FHIT: variants seen among roughly 807,000 people sequenced by gnomAD.
FHIT encodes the protein fragile histidine triad diadenosine triphosphatase.
Under a neutral mutation model 17.9 loss-of-function variants are expected in FHIT, and 19 were observed. The ratio of observed to expected loss-of-function variants is 1.06; its 90% CI spans 0.74 to 1.56. The LOEUF is 1.56. Among genes scored for constraint, FHIT ranks in the 40% most tolerant of loss-of-function variants. FHIT has a pLI of 0.00. For synonymous variants in FHIT, 81 were observed against 69.7 expected (o/e 1.16, Z -0.81); for missense variants, 248 against 189.2 (o/e 1.31, Z -1.82).
intron 5 of FHIT, among the ~76,000 whole-genome samples, chr3:60,242,541 T>G (rs1321206818): frequency 6.6e-6 from 1 of 152,138 alleles, no homozygotes; most frequent in Non-Finnish European, 1.5e-5. Context: ...TATCTGTAGC[T>G]TCAACACTTA....
intron 3 of FHIT, among the ~76,000 whole-genome samples, chr3:60,838,208 C>T (rs890808936): frequency 2.6e-5 from 4 of 152,066 alleles, no homozygotes; most frequent in Non-Finnish European, 5.9e-5. Flanking sequence ...CGTGGTGGCT[C>T]ACGCCTGTAA....
chr3:61,190,702 C>G (rs1182656360), intron 2 of FHIT, among the ~76,000 whole-genome samples: 1 of 152,088 alleles, frequency 6.6e-6, no homozygotes, highest in East Asian at 1.9e-4. Flanking sequence ...CAATGATTGA[C>G]TGGATTAAGA....
At position 60,011,910 on chromosome 3, in the gene FHIT, A is replaced by C. The variant is rs534696808; in HGVS notation, c.250-510T>G. Among the ~76,000 whole-genome samples, 20 of 152,280 alleles carry C rather than the reference A, an allele frequency of 1.3e-4. 1 individual carries two copies. In the South Asian group the frequency reaches 3.9e-3, roughly 30 times the overall value. On this transcript the variant is annotated intron_variant, in intron 6 of 9. Transcript: ENST00000492590. ...TTCATTGTAGCTGGACCCTTTTCCC[A>C]AACTGGTTCCCTTTCTCTGTTTCTG...
Position 61,133,916 on chromosome 3 carries a change from A to G in FHIT, c.-164+66701T>C, listed in dbSNP as rs908214964. On this transcript the variant is annotated intron_variant, in intron 2 of 9. Coordinates refer to ENST00000492590, the MANE Select transcript of FHIT (RefSeq NM_002012.4). ...AGCCTAGCTAACACGGTGAAACCCC[A>G]TCTCTACTAAAAGTACAAAAATTTA... Among the ~76,000 whole-genome samples, 20 of 152,032 alleles carry G rather than the reference A, an allele frequency of 1.3e-4. 1 individual carries two copies. Among genetic ancestry groups the G allele is most frequent in the Admixed American group, 1.1e-3 (17 of 15,278 alleles).
At chr3:59,927,365 G>A (rs1705713884) in intron 7 of FHIT, among the ~76,000 whole-genome samples, 1 of 151,746 alleles carries the variant, frequency 6.6e-6, no homozygotes, top group Non-Finnish European at 1.5e-5. Flanking sequence ...TAGCAGTGAT[G>A]GTTGCACAAC....
intron 3 of FHIT, among the ~76,000 whole-genome samples, chr3:60,878,175 G>A (rs1704759164): frequency 6.6e-6 from 1 of 152,036 alleles, no homozygotes. Flanking sequence ...AATCAAAGCT[G>A]GTAGGGGCTG....
chr3:60,165,111 G>A (rs1701113250), intron 5 of FHIT, among the ~76,000 whole-genome samples: 1 of 152,182 alleles, frequency 6.6e-6, no homozygotes, highest in Non-Finnish European at 1.5e-5. Flanking sequence ...GGAGCCAAAA[G>A]GAAGTGATGA....
At chr3:60,027,133 ACACACACACACACAC>A (rs1475233330) in intron 5 of FHIT, among the ~76,000 whole-genome samples, 1 of 133,258 alleles carries the variant, frequency 7.5e-6, no homozygotes, top group Non-Finnish European at 1.6e-5. Context: ...ACACACACAC[ACACACACACACACAC>A]AAAATTAGTA....
At chr3:60,955,611 T>TATATATACGTATATATATATAC (rs1559862282) in intron 3 of FHIT, among the ~76,000 whole-genome samples, 1 of 16,896 alleles carries the variant, frequency 5.9e-5, no homozygotes, top group Non-Finnish European at 1.7e-4. Context: ...TATATATATA[T>TATATATACGTATATATATATAC]ATATATATAT....
chr3:59,770,086 T>A (rs1457426732), intron 8 of FHIT, among the ~76,000 whole-genome samples: 1 of 152,148 alleles, frequency 6.6e-6, no homozygotes, highest in Non-Finnish European at 1.5e-5. Flanking sequence ...CCCAGACTTG[T>A]AAGGGAGAAA....
At chr3:60,072,485 A>T (rs904572347) in intron 5 of FHIT, among the ~76,000 whole-genome samples, 9 of 152,234 alleles carry the variant, frequency 5.9e-5, no homozygotes, top group African/African-American at 1.9e-4. Flanking sequence ...AATAAAAATT[A>T]GAATATTTAA....
At chr3:60,469,329 C>T (rs1394744951) in intron 5 of FHIT, among the ~76,000 whole-genome samples, 1 of 151,896 alleles carries the variant, frequency 6.6e-6, no homozygotes, top group African/African-American at 2.4e-5. Context: ...TGCAGGCATG[C>T]TTCATTGTTT....
intron 7 of FHIT, among the ~76,000 whole-genome samples, chr3:60,002,488 A>G (rs79280186): frequency 2.0e-5 from 3 of 152,290 alleles, no homozygotes; most frequent in Middle Eastern, 6.8e-3. Flanking sequence ...TAAAATTTCA[A>G]AATGACCCTT....
At chr3:61,220,534 C>A (rs1209322410) in intron 1 of FHIT, among the ~76,000 whole-genome samples, 1 of 152,124 alleles carries the variant, frequency 6.6e-6, no homozygotes, top group East Asian at 1.9e-4. Flanking sequence ...AGGGAGGTGA[C>A]CAGAATAATT....
At chr3:59,767,688 T>C (rs73094589) in intron 8 of FHIT, among the ~76,000 whole-genome samples, 7,765 of 152,246 alleles carry the variant, frequency 0.051, 271 homozygotes, top group Middle Eastern at 0.13. Flanking sequence ...TGCCTGGCAA[T>C]GTGCTCAGTG....
chr3:60,638,187 G>C (rs2039637293), intron 4 of FHIT, among the ~76,000 whole-genome samples: 2 of 152,282 alleles, frequency 1.3e-5, no homozygotes, highest in Admixed American at 1.3e-4. Flanking sequence ...CACTTACCCT[G>C]CCTTTCCTGT....
intron 5 of FHIT, among the ~76,000 whole-genome samples, chr3:60,418,037 C>T (rs1020602127): frequency 1.3e-5 from 2 of 151,980 alleles, no homozygotes; most frequent in Non-Finnish European, 2.9e-5. Flanking sequence ...ATAAAGCAGG[C>T]AAGGTTTAGA....
intron 5 of FHIT, among the ~76,000 whole-genome samples, chr3:60,253,407 T>C (rs1349731379): frequency 2.0e-5 from 3 of 152,238 alleles, no homozygotes; most frequent in South Asian, 4.1e-4. Flanking sequence ...AAACAAATGA[T>C]ATCACTCATT....
At chr3:60,339,791 G>A (rs768418406) in intron 5 of FHIT, among the ~76,000 whole-genome samples, 1 of 152,176 alleles carries the variant, frequency 6.6e-6, no homozygotes, top group African/African-American at 2.4e-5. Flanking sequence ...GGCACCATGT[G>A]TAAATCATCC....
Sources: gnomAD v4.1 joint callset for allele counts (sites outside exome capture counted in the v4.1 genomes callset) on GRCh38, gnomAD v4.1.1 for gene constraint, MANE v1.5 for transcripts, NCBI Gene and HGNC (gene_info 2026-07-23, HGNC 2026-07-21) for gene names.